Variants in SOX6 observed in about 807,000 individuals in gnomAD.
SOX6 encodes the protein transcription factor SOX-6.
In SOX6, 11 loss-of-function variants were observed where a neutral mutation model predicts 97.8. That is an observed-to-expected ratio of 0.11 (90% confidence interval 0.07 to 0.19). The LOEUF is 0.19. Ranked by LOEUF, SOX6 falls within the 10% of genes least tolerant of loss-of-function variation. SOX6 has a pLI of 1.00. For synonymous variants in SOX6, 360 were observed against 371.4 expected (o/e 0.97, Z 0.35); for missense variants, 810 against 1,039.5 (o/e 0.78, Z 3.04).
chr11:15,973,659 C>T (rs969924326), intron 15 of SOX6, among the ~76,000 whole-genome samples: 1 of 152,182 alleles, frequency 6.6e-6, no homozygotes, highest in Non-Finnish European at 1.5e-5. Context: ...ATTTCCATGG[C>T]TGAACTTGTT....
chr11:16,055,645 T>C (rs756028948), intron 10 of SOX6, 107 bp downstream of exon 10: 141 of 1,403,332 alleles, frequency 1.0e-4, no homozygotes, highest in Non-Finnish European at 1.3e-4. Flanking sequence ...GGGGTTGCTT[T>C]ATGTTGCTAT....
rs1653027346 is a variant in SOX6 at position 16,195,091 on chromosome 11, T to C, written c.536-8136A>G. 2.0e-5 allele frequency among the ~76,000 whole-genome samples: 3 copies of C among 152,332 alleles called. No individual in the cohort carries two copies. In the South Asian group the frequency reaches 6.2e-4, roughly 32 times the overall value. ...ACCAAGTATTGCAGGATTGGCTCTT[T>C]CTCTAGAAGCTCCATGAGCGTTAGG... On this transcript the variant is annotated intron_variant, in intron 4 of 15. Transcript: ENST00000683767.
chr11:16,110,434 C>T (rs1460456569), intron 7 of SOX6: 1 of 151,810 alleles, frequency 6.6e-6, no homozygotes, highest in African/African-American at 2.4e-5. Flanking sequence ...AAAAAATATA[C>T]TCCTGTCCTT....
intron 9 of SOX6, among the ~76,000 whole-genome samples, chr11:16,094,506 C>A (rs1392757609): frequency 1.3e-5 from 2 of 151,894 alleles, no homozygotes; most frequent in Non-Finnish European, 2.9e-5. Context: ...ACAGAAAAGT[C>A]CAGCAGGAGA....
chr11:16,156,267 C>T lies in SOX6; in HGVS notation c.777+27619G>A, dbSNP rs1850594254. 2.0e-5 allele frequency among the ~76,000 whole-genome samples: 3 copies of T among 152,090 alleles called. No homozygotes were observed. The South Asian group carries it at 6.2e-4, about 32-fold the overall frequency. On this transcript the variant is annotated intron_variant, in intron 6 of 15. Coordinates refer to ENST00000683767, the MANE Select transcript of SOX6 (RefSeq NM_001367873.1). ...CATGCTTGAACCTTCCAGAGCTGAA[C>T]ATATATGGATCAGTCTGTGGGTCCC...
At chr11:16,055,654 A>G in intron 10 of SOX6, 98 bp downstream of exon 10, 3 of 1,473,292 alleles carry the variant, frequency 2.0e-6, no homozygotes, top group Non-Finnish European at 1.9e-6. Flanking sequence ...TTATGTTGCT[A>G]TGTTTCCTGC....
At chr11:16,222,951 G>A (rs11023879) in intron 4 of SOX6, among the ~76,000 whole-genome samples, 31,294 of 151,872 alleles carry the variant, frequency 0.21, 3,908 homozygotes, top group Admixed American at 0.32. Flanking sequence ...ATAACGCATC[G>A]TTTTAAAAAG....
At chr11:16,221,484 C>A (rs1852535697) in intron 4 of SOX6, among the ~76,000 whole-genome samples, 1 of 152,050 alleles carries the variant, frequency 6.6e-6, no homozygotes, top group African/African-American at 2.4e-5. Context: ...AGGAAAACCA[C>A]CACTTGTGCT....
At chr11:16,412,525 C>T (rs938369734) in intron 1 of SOX6, among the ~76,000 whole-genome samples, 3 of 152,124 alleles carry the variant, frequency 2.0e-5, no homozygotes, top group African/African-American at 7.2e-5. Flanking sequence ...GCAGTCCCAG[C>T]TACTCAGGAG....
At chr11:16,162,830 A>G (rs1273624622) in intron 6 of SOX6, among the ~76,000 whole-genome samples, 1 of 152,208 alleles carries the variant, frequency 6.6e-6, no homozygotes, top group Non-Finnish European at 1.5e-5. Context: ...GAACTGAGTC[A>G]GTATTTTCCA....
At chr11:16,329,719 T>C (rs745580836) in intron 2 of SOX6, among the ~76,000 whole-genome samples, 1 of 152,212 alleles carries the variant, frequency 6.6e-6, no homozygotes, top group Non-Finnish European at 1.5e-5. Context: ...TGGCATTACA[T>C]AGTAAGTGAT....
intron 4 of SOX6, among the ~76,000 whole-genome samples, chr11:16,591,362 G>A (rs12279451): frequency 0.085 from 12,699 of 149,826 alleles, 717 homozygotes; most frequent in South Asian, 0.13. Context: ...CAGATAGATA[G>A]ATAGATAGAT....
At chr11:16,466,978 A>C (rs1860051086) in intron 1 of SOX6, among the ~76,000 whole-genome samples, 1 of 151,626 alleles carries the variant, frequency 6.6e-6, no homozygotes, top group Non-Finnish European at 1.5e-5. Context: ...AAGTGGGCAA[A>C]GGACATGAAC....
chr11:16,222,131 G>A (rs1773437363), intron 4 of SOX6, among the ~76,000 whole-genome samples: 1 of 152,054 alleles, frequency 6.6e-6, no homozygotes, highest in Admixed American at 6.6e-5. Flanking sequence ...AAACAGATAC[G>A]AGTCCAACAT....
chr11:16,352,325 G>A (rs1254167651), intron 1 of SOX6, among the ~76,000 whole-genome samples: 2 of 151,674 alleles, frequency 1.3e-5, no homozygotes, highest in African/African-American at 2.4e-5. Flanking sequence ...TTGAAGAGAT[G>A]GTTGAAAAGA....
intron 4 of SOX6, among the ~76,000 whole-genome samples, chr11:16,530,622 T>A (rs1861225038): frequency 6.6e-6 from 1 of 152,032 alleles, no homozygotes; most frequent in Non-Finnish European, 1.5e-5. Context: ...CTCCTTTGAT[T>A]AAAGTGATAA....
chr11:16,041,360 A>G (rs1294801064), intron 12 of SOX6, among the ~76,000 whole-genome samples: 1 of 152,158 alleles, frequency 6.6e-6, no homozygotes, highest in African/African-American at 2.4e-5. Context: ...GACAATGCGA[A>G]GCAGAAGATG....
chr11:16,196,683 T>G (rs909479580), intron 4 of SOX6, among the ~76,000 whole-genome samples: 2 of 152,046 alleles, frequency 1.3e-5, no homozygotes, highest in African/African-American at 2.4e-5. Flanking sequence ...TCTGATCTTG[T>G]TCCCTCCAAG....
At chr11:15,978,904 A>T (rs1002789838) in intron 15 of SOX6, among the ~76,000 whole-genome samples, 2 of 137,564 alleles carry the variant, frequency 1.5e-5, no homozygotes, top group Non-Finnish European at 3.1e-5. Context: ...ATTATATATA[A>T]TATATATAAG....
Sources: gnomAD v4.1 joint callset for allele counts (sites outside exome capture counted in the v4.1 genomes callset) on GRCh38, gnomAD v4.1.1 for gene constraint, MANE v1.5 for transcripts, NCBI Gene and HGNC (gene_info 2026-07-23, HGNC 2026-07-21) for gene names.